COPS5: variants seen among roughly 807,000 people sequenced by gnomAD.
COPS5 encodes the protein COP9 signalosome subunit 5, also known as COP9 signalosome complex subunit 5.
In COPS5, 8 loss-of-function variants were observed where a neutral mutation model predicts 44.4. The observed-to-expected ratio is 0.18, with a 90% CI of 0.11 to 0.32. The LOEUF (loss-of-function observed/expected upper bound fraction) is 0.32, where lower values mean the gene tolerates loss of function less well. COPS5 is among the 10% of genes least tolerant of loss of function. The pLI is 1.00. For synonymous variants in COPS5, 122 were observed against 142.8 expected, an observed-to-expected ratio of 0.85 and a Z score of 1.04; for missense variants, 159 against 406.4, an observed-to-expected ratio of 0.39 and a Z score of 5.23.
At chr8:67,048,169 C>T (rs906720036) in intron 6 of COPS5, among the ~76,000 whole-genome samples, 2 of 151,576 alleles carry the variant, frequency 1.3e-5, no homozygotes, top group South Asian at 2.1e-4. Context: ...GTCAGGAGGC[C>T]GAGGTGGGAA....
At chr8:67,057,261 T>C (rs1292366512) in intron 4 of COPS5, 119 bp downstream of exon 4, 5 of 479,500 alleles carry the variant, frequency 1.0e-5, no homozygotes, top group Non-Finnish European at 1.8e-5. Context: ...GGAGGCTGAG[T>C]TGGCTTGAGC....
At chr8:67,046,546 C>T (rs907045877) in intron 6 of COPS5, among the ~76,000 whole-genome samples, 5 of 151,864 alleles carry the variant, frequency 3.3e-5, no homozygotes, top group African/African-American at 9.7e-5. Context: ...CTGGGTCGGG[C>T]GCGGTGGCTC....
intron 4 of COPS5, 43 bp from the exon 5 acceptor site, chr8:67,056,647 AAAAAAATATAT>A (rs1563447135): frequency 3.3e-5 from 3 of 91,430 alleles, no homozygotes; most frequent in Non-Finnish European, 5.1e-5. Context: ...AAAAAAAAAA[AAAAAAATATAT>A]ATATATATAT....
In COPS5 at chr8:67,043,229, CTGTT is replaced by C; in HGVS notation, c.1005_*3del. Reference sequence around the variant, plus strand: ...TTTCAGGTAAAGTACTTCTCAGAGACTGTTTAAGAGATGTTAATTTGATTAAACA... The same window carrying C: ...TTTCAGGTAAAGTACTTCTCAGAGACTAAGAGATGTTAATTTGATTAAACA... On this transcript the variant is annotated stop_retained_variant and 3_prime_UTR_variant, in exon 8 of 8. Coordinates refer to ENST00000357849, the MANE Select transcript of COPS5 (RefSeq NM_006837.3). The C allele has an allele frequency of 6.7e-7, 1 of 1,491,804 alleles. No homozygotes were observed. Among genetic ancestry groups the C allele is most frequent in the East Asian group, 2.3e-5 (1 of 43,898 alleles). The allele number at this position is 1,491,804 out of a possible 1,614,324, so 92.4% of individuals were successfully genotyped here.
At chr8:67,057,791 A>C (rs1419488225) in intron 3 of COPS5, among the ~76,000 whole-genome samples, 1 of 152,224 alleles carries the variant, frequency 6.6e-6, no homozygotes, top group African/African-American at 2.4e-5. Flanking sequence ...GAGCTGCTCT[A>C]GCAATTCCTG....
intron 5 of COPS5, among the ~76,000 whole-genome samples, chr8:67,055,495 G>T (rs1804489223): frequency 6.6e-6 from 1 of 152,158 alleles, no homozygotes; most frequent in Non-Finnish European, 1.5e-5. Context: ...TTAGAAGGTA[G>T]AGAAAACTGT....
chr8:67,056,465 G>T, intron 5 of COPS5, 54 bp downstream of exon 5: 2 of 631,976 alleles, frequency 3.2e-6, no homozygotes, highest in African/African-American at 1.9e-5. Context: ...AAAGTGCTGG[G>T]ATTATAGGTG....
chr8:67,055,208 G>A (rs186858251), intron 5 of COPS5, among the ~76,000 whole-genome samples: 213 of 152,324 alleles, frequency 1.4e-3, no homozygotes, highest in Non-Finnish European at 2.5e-3. Context: ...TCAGTGATAG[G>A]ACATGAGCTC....
chr8:67,059,286 C>T lies in COPS5; in HGVS notation c.303G>A (p.Glu101=). Residue 101 remains glutamate (E), a synonymous_variant, in exon 2 of 8, where the codon GAG becomes GAA. Coordinates refer to ENST00000357849, the MANE Select transcript of COPS5 (RefSeq NM_006837.3). ...GAGCATTTACTCGGGTTTCAGTGCCCTCCACAGGCAAAGCAAAACTGTCCA... is the reference window on the plus strand; with the variant it reads ...GAGCATTTACTCGGGTTTCAGTGCCTTCCACAGGCAAAGCAAAACTGTCCA... ...IIMDSFALPV[E]GTETRVNAQA... The T allele has an allele frequency of 6.2e-7, 1 of 1,614,186 alleles. No individual in the cohort carries two copies. The highest frequency in any genetic ancestry group is 1.1e-5 in the South Asian group (1 of 91,084).
chr8:67,057,976 C>T, intron 3 of COPS5, 107 bp downstream of exon 3: 1 of 1,202,522 alleles, frequency 8.3e-7, no homozygotes, highest in Non-Finnish European at 1.2e-6. Context: ...CCTAGGCAGA[C>T]TGATACCAGA....
intron 6 of COPS5, among the ~76,000 whole-genome samples, chr8:67,049,469 G>T (rs1329328664): frequency 6.7e-6 from 1 of 148,616 alleles, no homozygotes; most frequent in Non-Finnish European, 1.5e-5. Context: ...GTCTCGAAAA[G>T]AAAAAGAAAA....
chr8:67,051,059 C>G, intron 6 of COPS5, 171 bp downstream of exon 6: 1 of 582,216 alleles, frequency 1.7e-6, no homozygotes, highest in Non-Finnish European at 3.1e-6. Flanking sequence ...TGACACAGAT[C>G]CTGAATTGGC....
At position 67,048,893 on chromosome 8, in the gene COPS5, T is replaced by C. The variant is rs572685198; in HGVS notation, c.771+2337A>G. On this transcript the variant is annotated intron_variant, in intron 6 of 7. Coordinates refer to ENST00000357849, the MANE Select transcript of COPS5 (RefSeq NM_006837.3). The stretch of plus-strand genomic sequence containing the variant: ...AATTTTCTCAGAGTACTTAATGATG[T>C]ATGTAGCATATCAACATTTTACAAC... Among the ~76,000 whole-genome samples, 3 of 152,352 alleles carry C rather than the reference T, an allele frequency of 2.0e-5. No homozygotes were observed. In the South Asian group the frequency reaches 6.2e-4, roughly 32 times the overall value.
At chr8:67,056,279 C>T (rs985309571) in intron 5 of COPS5, among the ~76,000 whole-genome samples, 5 of 151,980 alleles carry the variant, frequency 3.3e-5, no homozygotes, top group Non-Finnish European at 5.9e-5. Flanking sequence ...AAATAAGGGG[C>T]TTGGACTGGT....
intron 1 of COPS5, 186 bp from the exon 2 acceptor site, chr8:67,059,631 C>A: frequency 1.7e-6 from 1 of 586,058 alleles, no homozygotes; most frequent in East Asian, 2.8e-5. Flanking sequence ...TGTCATAGTG[C>A]AGCAACGTAT....
intron 5 of COPS5, among the ~76,000 whole-genome samples, chr8:67,054,179 C>G (rs1804464643): frequency 1.3e-5 from 2 of 151,402 alleles, no homozygotes; most frequent in East Asian, 1.9e-4. Context: ...GCAACACGAT[C>G]TTAAAAAAAA....
rs1267776405 is a variant in COPS5 at position 67,047,868 on chromosome 8, A to AG, written c.772-1909_772-1908insC. 1.0e-5 allele frequency: 7 copies of AG among 702,578 alleles called. No homozygotes were observed. The East Asian group carries it at 1.9e-4, about 19-fold the overall frequency. 43.5% of individuals were successfully genotyped at this position (702,578 alleles called of 1,614,324 possible). ...TATTAATATACTTGCCTCTAAGGAAACAACACATATAAAACACTTAGCAGT... is the reference window on the plus strand; with the variant it reads ...TATTAATATACTTGCCTCTAAGGAAAGCAACACATATAAAACACTTAGCAGT... On this transcript the variant is annotated intron_variant, in intron 6 of 7. Coordinates refer to ENST00000357849, the MANE Select transcript of COPS5 (RefSeq NM_006837.3).
chr8:67,055,807 A>C (rs923947363), intron 5 of COPS5, among the ~76,000 whole-genome samples: 3 of 142,036 alleles, frequency 2.1e-5, no homozygotes, highest in African/African-American at 7.8e-5. Context: ...CGGAGGTTGC[A>C]GTGAGCCAAG....
intron 7 of COPS5, 131 bp from the exon 8 acceptor site, chr8:67,043,448 C>G (rs1460910561): frequency 1.9e-6 from 1 of 532,288 alleles, no homozygotes; most frequent in Non-Finnish European, 3.3e-6. Context: ...CCACCCCAAT[C>G]TGAAGTTTTC....
Sources: gnomAD v4.1 joint callset for allele counts (sites outside exome capture counted in the v4.1 genomes callset) on GRCh38, gnomAD v4.1.1 for gene constraint, MANE v1.5 for transcripts, NCBI Gene and HGNC (gene_info 2026-07-23, HGNC 2026-07-21) for gene names.